ARHGEF28: variants seen among roughly 807,000 people sequenced by gnomAD.
ARHGEF28 encodes Rho guanine nucleotide exchange factor 28, also known as 190 kDa guanine nucleotide exchange factor.
A neutral mutation model predicts 206.6 loss-of-function variants in ARHGEF28; 152 were observed. The observed-to-expected ratio is 0.74, with a 90% confidence interval of 0.64 to 0.84. ARHGEF28 has a LOEUF of 0.84. Among genes scored for constraint, ARHGEF28 ranks in the 40% least tolerant of loss-of-function variants. The pLI, the probability that ARHGEF28 is intolerant of heterozygous loss-of-function variation, is 0.00. For missense variants in ARHGEF28, 2,028 were observed against 2,073.2 expected, an observed-to-expected ratio of 0.98 and a Z score of 0.42; for synonymous variants, 763 against 776.4, an observed-to-expected ratio of 0.98 and a Z score of 0.29.
At position 73,814,777 on chromosome 5, in the gene ARHGEF28, A is replaced by C. The variant is rs151047487; in HGVS notation, c.1025-17561A>C. ...TCAGCAAACCAGCTTAGCTTCAAGCATCTTCTTTCTTCCTTCTGAAATACA... is the reference window on the plus strand; with the variant it reads ...TCAGCAAACCAGCTTAGCTTCAAGCCTCTTCTTTCTTCCTTCTGAAATACA... On this transcript the variant is annotated intron_variant, in intron 9 of 35. Transcript: ENST00000513042. Among the ~76,000 whole-genome samples the C allele has an allele frequency of 6.8e-3, 1,028 of 152,232 alleles. 16 individuals carry two copies. Among genetic ancestry groups the C allele is most frequent in the African/African-American group, 0.023 (935 of 41,528 alleles).
chr5:73,756,489 A>G (rs940762983), intron 4 of ARHGEF28, among the ~76,000 whole-genome samples: 3 of 152,200 alleles, frequency 2.0e-5, no homozygotes, highest in Non-Finnish European at 4.4e-5. Context: ...TACAACATCA[A>G]TGTCAAGCGA....
At chr5:73,919,039 C>T (rs905350760) in intron 35 of ARHGEF28, among the ~76,000 whole-genome samples, 4 of 152,232 alleles carry the variant, frequency 2.6e-5, no homozygotes, top group South Asian at 2.1e-4. Context: ...CTCCTACTGC[C>T]GTGGGATCCC....
At chr5:73,846,167 C>T (rs960564039) in intron 11 of ARHGEF28, 101 bp from the exon 12 acceptor site, 11 of 1,078,068 alleles carry the variant, frequency 1.0e-5, no homozygotes, top group Non-Finnish European at 1.4e-5. Flanking sequence ...TATTGCACCC[C>T]CCCCGCCCCA....
intron 9 of ARHGEF28, among the ~76,000 whole-genome samples, chr5:73,808,146 C>A (rs946516067): frequency 6.6e-6 from 1 of 152,140 alleles, no homozygotes; most frequent in African/African-American, 2.4e-5. Context: ...ACAGTGGCAT[C>A]ATGTGATTCC....
At chr5:73,805,845 G>T (rs774963989) in intron 9 of ARHGEF28, among the ~76,000 whole-genome samples, 1 of 152,138 alleles carries the variant, frequency 6.6e-6, no homozygotes, top group Non-Finnish European at 1.5e-5. Context: ...CACCCCAGAA[G>T]CATATATAGG....
chr5:73,928,874 G>A (rs758700358), intron 35 of ARHGEF28, among the ~76,000 whole-genome samples: 1 of 152,168 alleles, frequency 6.6e-6, no homozygotes, highest in Non-Finnish European at 1.5e-5. Flanking sequence ...CATTCTTGAG[G>A]TTGATGACCT....
At chr5:73,637,555 G>A (rs556781735) in intron 1 of ARHGEF28, among the ~76,000 whole-genome samples, 47 of 152,274 alleles carry the variant, frequency 3.1e-4, no homozygotes, top group African/African-American at 1.0e-3. Flanking sequence ...TTTGGACAAT[G>A]GATTTATTCT....
chr5:73,729,620 A>T (rs570424994), intron 2 of ARHGEF28, among the ~76,000 whole-genome samples: 11 of 152,340 alleles, frequency 7.2e-5, no homozygotes, highest in Admixed American at 2.0e-4. Flanking sequence ...TTAAATACAC[A>T]GAATGTGTTA....
intron 4 of ARHGEF28, among the ~76,000 whole-genome samples, chr5:73,769,509 T>G (rs1580593531): frequency 6.6e-6 from 1 of 152,258 alleles, no homozygotes; most frequent in Non-Finnish European, 1.5e-5. Context: ...ATTATATTCA[T>G]TACTTCCTTC....
At chr5:73,856,937 A>G (rs1426312493) in intron 14 of ARHGEF28, among the ~76,000 whole-genome samples, 1 of 152,212 alleles carries the variant, frequency 6.6e-6, no homozygotes, top group Admixed American at 6.5e-5. Flanking sequence ...GGGAATTGTA[A>G]CTTTCATAGT....
At chr5:73,891,545 T>G (rs1580056921) in intron 26 of ARHGEF28, among the ~76,000 whole-genome samples, 1 of 151,984 alleles carries the variant, frequency 6.6e-6, no homozygotes, top group African/African-American at 2.4e-5. Context: ...ATTCCTTTTT[T>G]TTTTCTTTTT....
intron 1 of ARHGEF28, among the ~76,000 whole-genome samples, chr5:73,628,990 T>A (rs957960574): frequency 8.5e-5 from 13 of 152,152 alleles, no homozygotes; most frequent in African/African-American, 2.7e-4. Flanking sequence ...ATTTTGACAA[T>A]CTCTATTATG....
At chr5:73,757,835 T>C (rs1752396334) in intron 4 of ARHGEF28, among the ~76,000 whole-genome samples, 1 of 152,242 alleles carries the variant, frequency 6.6e-6, no homozygotes, top group Non-Finnish European at 1.5e-5. Context: ...CATTGAATAG[T>C]AATATAATTA....
chr5:73,723,808 G>T (rs1396765423), intron 2 of ARHGEF28, among the ~76,000 whole-genome samples: 1 of 152,214 alleles, frequency 6.6e-6, no homozygotes, highest in Non-Finnish European at 1.5e-5. Context: ...AATTGGCCTT[G>T]TGACTATTTA....
chr5:73,920,880 T>C (rs1763488083), intron 35 of ARHGEF28, among the ~76,000 whole-genome samples: 1 of 152,194 alleles, frequency 6.6e-6, no homozygotes, highest in Non-Finnish European at 1.5e-5. Context: ...GTGCTGTCGC[T>C]GTAGGAAGAT....
intron 7 of ARHGEF28, among the ~76,000 whole-genome samples, chr5:73,789,648 TTTG>T (rs1397034172): frequency 1.3e-5 from 2 of 152,196 alleles, no homozygotes; most frequent in African/African-American, 4.8e-5. Flanking sequence ...TATTGATTTT[TTTG>T]TTTAGTTTTT....
chr5:73,779,550 T>C (rs1393373483), intron 6 of ARHGEF28, among the ~76,000 whole-genome samples: 2 of 152,154 alleles, frequency 1.3e-5, no homozygotes, highest in African/African-American at 4.8e-5. Flanking sequence ...ACTCTCTTCA[T>C]TGAAAGACGG....
At chr5:73,759,597 T>A (rs892216689) in intron 4 of ARHGEF28, among the ~76,000 whole-genome samples, 1 of 152,222 alleles carries the variant, frequency 6.6e-6, no homozygotes, top group Non-Finnish European at 1.5e-5. Flanking sequence ...CAGTTCTTTT[T>A]TTCCCCTAAA....
At chr5:73,804,289 C>G (rs1755313215) in intron 9 of ARHGEF28, among the ~76,000 whole-genome samples, 1 of 151,978 alleles carries the variant, frequency 6.6e-6, no homozygotes, top group Non-Finnish European at 1.5e-5. Flanking sequence ...ATCTTATTAA[C>G]CCCATGGAGA....
Sources: gnomAD v4.1 joint callset for allele counts (sites outside exome capture counted in the v4.1 genomes callset) on GRCh38, gnomAD v4.1.1 for gene constraint, MANE v1.5 for transcripts, NCBI Gene and HGNC (gene_info 2026-07-23, HGNC 2026-07-21) for gene names.